COL6A2: variants seen among roughly 807,000 people sequenced by gnomAD.
COL6A2 encodes the protein collagen alpha-2(VI) chain.
COL6A2 carries 90 observed loss-of-function variants against 124.9 expected under a neutral mutation model. That is an observed-to-expected ratio of 0.72 (90% CI 0.61 to 0.86). The LOEUF is 0.86. Ranked by LOEUF, COL6A2 falls within the 40% of genes least tolerant of loss-of-function variation. The pLI is 0.00. For missense variants in COL6A2, 1,607 were observed against 1,502.5 expected (o/e 1.07, Z -1.15); for synonymous variants, 793 against 618.2 (o/e 1.28, Z -4.19).
intron 15 of COL6A2, among the ~76,000 whole-genome samples, chr21:46,120,094 G>GCCCACTGAGGTACCGCTCACCCCCCAGCC (rs2078537078): frequency 2.9e-5 from 2 of 68,744 alleles, no homozygotes; most frequent in South Asian, 5.1e-4. Flanking sequence ...TTCACCCCCG[G>GCCCACTGAGGTACCGCTCACCCCCCAGCC]CCCACTGAGG....
rs758975198 is a variant in COL6A2 at position 46,122,513 on chromosome 21, C to G, written c.1590C>G (p.Pro530=). The G allele has an allele frequency of 1.2e-6, 2 of 1,612,716 alleles. No individual in the cohort carries two copies. Among genetic ancestry groups the G allele is most frequent in the Admixed American group, 1.7e-5 (1 of 60,010 alleles). ...CTTCACAGGGAGAAAAAGGCGAGCC[C>G]GGCCCACGCGGCCCCGAGGTATGTG... ...PRGAPGEKGE[P]GPRGPEGGRG... The change falls in exon 20 of 28, where the codon CCC becomes CCG. Residue 530 remains proline (P), a synonymous_variant. Transcript: ENST00000300527.
chr21:46,124,604 A>T (rs767003491), intron 21 of COL6A2, 47 bp from the exon 22 acceptor site: 1 of 1,587,982 alleles, frequency 6.3e-7, no homozygotes, highest in South Asian at 1.1e-5. Flanking sequence ...GTGTGCAGGG[A>T]CTGTCCCTGG....
intron 1 of COL6A2, among the ~76,000 whole-genome samples, chr21:46,103,820 T>C (rs1010235284): frequency 9.2e-5 from 14 of 152,230 alleles, no homozygotes; most frequent in Admixed American, 5.9e-4. Flanking sequence ...AACCCCGTCA[T>C]TGCAAGCCCT....
chr21:46,108,092 CTATA>C (rs528212423), intron 1 of COL6A2, among the ~76,000 whole-genome samples: 254 of 145,570 alleles, frequency 1.7e-3, no homozygotes, highest in African/African-American at 6.4e-3. Context: ...TTCTCTCTGT[CTATA>C]TATATATATA....
At chr21:46,107,697 C>T (rs2078349266) in intron 1 of COL6A2, among the ~76,000 whole-genome samples, 1 of 152,198 alleles carries the variant, frequency 6.6e-6, no homozygotes, top group African/African-American at 2.4e-5. Context: ...CATTTCCTTT[C>T]TATGATCCCA....
chr21:46,112,730 C>T, intron 3 of COL6A2, 74 bp from the exon 4 acceptor site: 1 of 1,609,032 alleles, frequency 6.2e-7, no homozygotes, highest in Non-Finnish European at 8.5e-7. Context: ...CCCTCCATCC[C>T]CACCCAGACT....
chr21:46,130,743 G>A (rs141850355), intron 27 of COL6A2, among the ~76,000 whole-genome samples: 103 of 152,324 alleles, frequency 6.8e-4, no homozygotes, highest in Middle Eastern at 3.4e-3. Context: ...TTTTGAGGGG[G>A]TTTGGGAAGC....
chr21:46,132,583 C>T lies in COL6A2; in HGVS notation c.*31C>T, dbSNP rs886057169. On this transcript the variant is annotated 3_prime_UTR_variant, in exon 28 of 28. Transcript: ENST00000300527. ...CCGCCCGGGCCCCGCAGTCGAGGGT[C>T]GTGAGCCCACCCCGTCCATGGTGCT... 76 of 1,557,872 alleles carry T rather than the reference C, an allele frequency of 4.9e-5. No individual in the cohort carries two copies. Among genetic ancestry groups the T allele is most frequent in the Non-Finnish European group, 6.1e-5 (70 of 1,155,772 alleles).
At position 46,119,829 on chromosome 21, in the gene COL6A2, C is replaced by T. The variant is rs778170743; in HGVS notation, c.1311C>T (p.Ser437=). Reference sequence around the variant, plus strand: ...CCGGCACCAAGGGCAGCCCAGGCAGCGATGGCCCCAAGGGGGAGAAGGTGA... The same window carrying T: ...CCGGCACCAAGGGCAGCCCAGGCAGTGATGGCCCCAAGGGGGAGAAGGTGA... ...GDPGTKGSPG[S]DGPKGEKGDP... Residue 437 remains serine, a synonymous_variant, in exon 15 of 28, where the codon AGC becomes AGT. Coordinates refer to ENST00000300527, the MANE Select transcript of COL6A2 (RefSeq NM_001849.4). 21 of 1,562,490 alleles carry T rather than the reference C, an allele frequency of 1.3e-5. No homozygotes were observed. The highest frequency in any genetic ancestry group is 5.4e-5 in the African/African-American group (4 of 74,288).
chr21:46,116,238 C>G lies in COL6A2; in HGVS notation c.901-139C>G. On this transcript the variant is annotated intron_variant, in intron 7 of 27. Coordinates refer to ENST00000300527, the MANE Select transcript of COL6A2 (RefSeq NM_001849.4). The surrounding 1 kb of genome is among the most constrained non-coding windows in gnomAD (Gnocchi z 4.6). ...CCTCCAGCCCGACCCAGGGCTCAGC[C>G]TCCTCCGCAGACTGTTTGTCGAGAA... 8.4e-7 allele frequency: 1 copy of G among 1,186,590 alleles called. No homozygotes were observed. 73.5% of individuals were successfully genotyped at this position (1,186,590 alleles called of 1,614,324 possible).
At chr21:46,125,345 T>A (rs750735590) in intron 24 of COL6A2, 34 bp downstream of exon 24, 6 of 1,605,754 alleles carry the variant, frequency 3.7e-6, no homozygotes, top group Non-Finnish European at 5.1e-6. Flanking sequence ...TCGGGGCCCA[T>A]GCACCGGGTG....
chr21:46,132,619 G>A lies in COL6A2; in HGVS notation c.*67G>A, dbSNP rs377475457. On this transcript the variant is annotated 3_prime_UTR_variant, in exon 28 of 28. Transcript: ENST00000300527. Reference sequence around the variant, plus strand: ...CCCGTCCATGGTGCTAAGCGGGCCCGGGTCCCACACGGCCAGCACCGCTGC... The same window carrying A: ...CCCGTCCATGGTGCTAAGCGGGCCCAGGTCCCACACGGCCAGCACCGCTGC... The A allele has an allele frequency of 4.0e-5, 58 of 1,447,084 alleles. No individual in the cohort carries two copies. The highest frequency in any genetic ancestry group is 1.7e-4 in the Middle Eastern group (1 of 5,744). The allele number at this position is 1,447,084 out of a possible 1,614,324, so 89.6% of individuals were successfully genotyped here. A position where few individuals can be genotyped will look rare whatever the true frequency, so the allele number is the denominator to read the frequency against.
Position 46,116,157 on chromosome 21 carries a change from C to A in COL6A2, c.900+104C>A. The A allele has an allele frequency of 7.8e-7, 1 of 1,288,540 alleles. No individual in the cohort carries two copies. The highest frequency in any genetic ancestry group is 1.1e-6 in the Non-Finnish European group (1 of 909,050). The allele number at this position is 1,288,540 out of a possible 1,614,324, so 79.8% of individuals were successfully genotyped here. ...GGCCTCAGCCTCTACGACCCTCCCC[C>A]CAGTTACCAAGGAACAGAAGCACCT... On this transcript the variant is annotated intron_variant, in intron 7 of 27. Coordinates refer to ENST00000300527, the MANE Select transcript of COL6A2 (RefSeq NM_001849.4). This position sits in a 1 kb window ranked among gnomAD's most constrained non-coding sequence, Gnocchi z 4.6.
intron 1 of COL6A2, among the ~76,000 whole-genome samples, chr21:46,107,930 T>A (rs1320777763): frequency 6.6e-6 from 1 of 152,118 alleles, no homozygotes; most frequent in Non-Finnish European, 1.5e-5. Context: ...CTAAGGGCTG[T>A]GTCATGGGTC....
Position 46,121,137 on chromosome 21 carries a change from C to T in COL6A2, c.1458+14C>T, listed in dbSNP as rs754241676. The T allele has an allele frequency of 3.7e-6, 6 of 1,612,232 alleles. No homozygotes were observed. Among genetic ancestry groups the T allele is most frequent in the East Asian group, 4.5e-5 (2 of 44,878 alleles). ...CCCGGAAAGCAGGTCAGTGTCAGTG[C>T]AGGAGGCCGGTGCCCTCTGACCCCA... On this transcript the variant is annotated intron_variant, in intron 17 of 27. Coordinates refer to ENST00000300527, the MANE Select transcript of COL6A2 (RefSeq NM_001849.4).
intron 1 of COL6A2, among the ~76,000 whole-genome samples, chr21:46,100,347 T>TTC (rs2078276446): frequency 6.6e-6 from 1 of 151,850 alleles, no homozygotes; most frequent in Non-Finnish European, 1.5e-5. Flanking sequence ...GTTTGGGGGG[T>TTC]TTTTTCTTTT....
intron 17 of COL6A2, 101 bp downstream of exon 17, chr21:46,121,224 A>G: frequency 8.3e-7 from 1 of 1,199,122 alleles, no homozygotes; most frequent in Non-Finnish European, 1.2e-6. Context: ...CCCATAGCAA[A>G]CCCAGGCAGC....
At position 46,132,074 on chromosome 21, in the gene COL6A2, G is replaced by A. The variant is rs373813975; in HGVS notation, c.2582G>A (p.Arg861Gln). 1.0e-4 allele frequency: 167 copies of A among 1,603,266 alleles called. No individual in the cohort carries two copies. The highest frequency in any genetic ancestry group is 8.3e-4 in the East Asian group (37 of 44,404). Residue 861 changes from arginine (R) to glutamine (Q), a missense_variant, in exon 28 of 28, where the codon CGG becomes CAG. By Grantham distance (43) the Arg-to-Gln change is conservative. Coordinates refer to ENST00000300527, the MANE Select transcript of COL6A2 (RefSeq NM_001849.4). ...CGGCGCTTCGTGGAGCAGGTGGCGCGGCGGCTGACGCTGGCCCGGAGGGAC... is the reference window on the plus strand; with the variant it reads ...CGGCGCTTCGTGGAGCAGGTGGCGCAGCGGCTGACGCTGGCCCGGAGGGAC... ...KARRFVEQVA[R>Q]RLTLARRDDD...
chr21:46,112,552 C>T lies in COL6A2; in HGVS notation c.689C>T (p.Thr230Ile), dbSNP rs1297007757. 2 of 1,612,268 alleles carry T rather than the reference C, an allele frequency of 1.2e-6. No homozygotes were observed. The highest frequency in any genetic ancestry group is 1.7e-6 in the Non-Finnish European group (2 of 1,179,884). ...GACTCCACCGAGATCGACCAGGACA[C>T]CATCAACCGCATCATCAAGGTCATG... is the stretch of plus-strand genomic sequence containing the variant. ...LPDSTEIDQD[T>I]INRIIKVMKH... The change falls in exon 3 of 28, where the codon ACC (threonine) becomes ATC (isoleucine). Residue 230 changes from threonine (T) to isoleucine (I), a missense_variant. Thr to Ile is a moderately conservative substitution (Grantham distance 89). This residue lies in a region of COL6A2 where 342 missense variants were observed against 381.5 expected (regional missense o/e 0.90). Coordinates refer to ENST00000300527, the MANE Select transcript of COL6A2 (RefSeq NM_001849.4).
Sources: allele counts gnomAD v4.1 joint callset (sites outside exome capture counted in the v4.1 genomes callset), GRCh38; gene constraint gnomAD v4.1.1; regional missense constraint gnomAD v4.1.1; non-coding constraint Gnocchi (gnomAD v3.1); transcripts MANE v1.5; gene names NCBI Gene and HGNC (gene_info 2026-07-23, HGNC 2026-07-21).